Variants in PRKG1 observed in about 807,000 individuals in gnomAD.
PRKG1 encodes protein kinase cGMP-dependent 1, also known as cGMP-dependent protein kinase 1.
In PRKG1, 35 loss-of-function variants were observed where a neutral mutation model predicts 88.1. The observed-to-expected ratio is 0.40, with a 90% CI of 0.30 to 0.53. The LOEUF (loss-of-function observed/expected upper bound fraction) is 0.53, where lower values mean the gene tolerates loss of function less well. Ranked by LOEUF, PRKG1 falls within the 20% of genes least tolerant of loss-of-function variation. PRKG1 has a pLI of 0.59. For missense variants in PRKG1, 540 were observed against 839.8 expected (o/e 0.64, Z 4.41); for synonymous variants, 303 against 292.5 (o/e 1.04, Z -0.37).
intron 9 of PRKG1, among the ~76,000 whole-genome samples, chr10:52,234,781 C>T (rs1349631573): frequency 3.9e-5 from 4 of 103,186 alleles, no homozygotes; most frequent in African/African-American, 1.8e-4. Flanking sequence ...TCTAGCAAGG[C>T]AGGCCAACAT....
intron 2 of PRKG1, among the ~76,000 whole-genome samples, chr10:51,336,199 A>G (rs1296280201): frequency 6.6e-6 from 1 of 151,802 alleles, no homozygotes; most frequent in Non-Finnish European, 1.5e-5. Context: ...CTAAAAGTAT[A>G]AAAACTAGCC....
At chr10:51,893,237 A>G (rs1005934859) in intron 4 of PRKG1, among the ~76,000 whole-genome samples, 3 of 152,058 alleles carry the variant, frequency 2.0e-5, no homozygotes, top group Non-Finnish European at 2.9e-5. Flanking sequence ...AGCCTTTTAT[A>G]AGAAAACTCT....
chr10:51,205,950 A>G (rs1838047744), intron 2 of PRKG1, among the ~76,000 whole-genome samples: 1 of 152,208 alleles, frequency 6.6e-6, no homozygotes, highest in African/African-American at 2.4e-5. Flanking sequence ...TAAACAGCAA[A>G]TAGGAGACTG....
At chr10:52,247,940 T>G (rs1181987861) in intron 9 of PRKG1, among the ~76,000 whole-genome samples, 1 of 152,198 alleles carries the variant, frequency 6.6e-6, no homozygotes, top group Admixed American at 6.5e-5. Flanking sequence ...TACCCACATA[T>G]TTATTAACAG....
chr10:51,831,886 G>A (rs1349227413), intron 4 of PRKG1, among the ~76,000 whole-genome samples: 7 of 152,090 alleles, frequency 4.6e-5, no homozygotes, highest in Non-Finnish European at 7.4e-5. Flanking sequence ...GAGAATAAAT[G>A]AAAGAAACTA....
At position 51,310,414 on chromosome 10, in the gene PRKG1, G is replaced by C. The variant is rs180701145; in HGVS notation, c.478+157084G>C. On this transcript the variant is annotated intron_variant, in intron 2 of 17. Transcript: ENST00000373980. ...ATAGACATGAATAAGAAGTTTTTCT[G>C]TCCTCACACAGTTTAATGAAGAACA... Among the ~76,000 whole-genome samples the C allele has an allele frequency of 4.5e-3, 678 of 152,206 alleles. 4 individuals carry two copies. The highest frequency in any genetic ancestry group is 6.0e-3 in the South Asian group (29 of 4,818).
chr10:51,787,043 T>C (rs1001800427), intron 3 of PRKG1, among the ~76,000 whole-genome samples: 1 of 152,156 alleles, frequency 6.6e-6, no homozygotes, highest in Non-Finnish European at 1.5e-5. Flanking sequence ...TGGTTAAAAT[T>C]ATGTGATATG....
chr10:51,369,516 C>G (rs1016098848), intron 2 of PRKG1, among the ~76,000 whole-genome samples: 1 of 152,018 alleles, frequency 6.6e-6, no homozygotes, highest in Non-Finnish European at 1.5e-5. Context: ...GGAAGGTAAA[C>G]AAAGGTTGAA....
intron 9 of PRKG1, among the ~76,000 whole-genome samples, chr10:52,234,049 G>A (rs1419887479): frequency 6.6e-6 from 1 of 151,750 alleles, no homozygotes; most frequent in Non-Finnish European, 1.5e-5. Flanking sequence ...CCCCAGCAGA[G>A]GCACACTGAC....
intron 8 of PRKG1, among the ~76,000 whole-genome samples, chr10:52,150,160 A>ATG (rs1837866343): frequency 4.1e-5 from 2 of 48,288 alleles, no homozygotes; most frequent in African/African-American, 7.5e-5. Flanking sequence ...AATAATAATA[A>ATG]TAATAATAAT....
intron 1 of PRKG1, among the ~76,000 whole-genome samples, chr10:51,013,098 A>C (rs1287381954): frequency 1.3e-5 from 2 of 152,242 alleles, no homozygotes; most frequent in African/African-American, 4.8e-5. Flanking sequence ...ATCCGAAGGT[A>C]GTAAAGGTTA....
chr10:51,334,487 A>T (rs1841823925), intron 2 of PRKG1, among the ~76,000 whole-genome samples: 1 of 152,170 alleles, frequency 6.6e-6, no homozygotes, highest in Non-Finnish European at 1.5e-5. Context: ...GAATGAAGAG[A>T]TTCGTAATTA....
chr10:51,761,905 A>T (rs1371005763), intron 3 of PRKG1, among the ~76,000 whole-genome samples: 1 of 152,198 alleles, frequency 6.6e-6, no homozygotes, highest in Non-Finnish European at 1.5e-5. Flanking sequence ...TTATGTTTTT[A>T]AAAAAGATTT....
At chr10:51,642,646 C>T (rs116339308) in intron 3 of PRKG1, among the ~76,000 whole-genome samples, 1 of 152,114 alleles carries the variant, frequency 6.6e-6, no homozygotes, top group African/African-American at 2.4e-5. Context: ...GAGTTTGGAT[C>T]TACTAATCGT....
At chr10:52,274,269 A>AC (rs1232739938) in intron 12 of PRKG1, among the ~76,000 whole-genome samples, 2 of 141,422 alleles carry the variant, frequency 1.4e-5, no homozygotes, top group African/African-American at 5.3e-5. Flanking sequence ...TCTATCCCTC[A>AC]CCCCCCTCCG....
intron 9 of PRKG1, among the ~76,000 whole-genome samples, chr10:52,215,185 A>T (rs1279340671): frequency 6.6e-6 from 1 of 152,076 alleles, no homozygotes; most frequent in Non-Finnish European, 1.5e-5. Context: ...ACCTGAGGTC[A>T]GGAGTTTGAG....
At chr10:51,555,058 C>G (rs1397957941) in intron 3 of PRKG1, among the ~76,000 whole-genome samples, 1 of 151,860 alleles carries the variant, frequency 6.6e-6, no homozygotes, top group Non-Finnish European at 1.5e-5. Context: ...GGGAGAAAAA[C>G]TGAAGTTATG....
intron 3 of PRKG1, among the ~76,000 whole-genome samples, chr10:51,541,960 C>T (rs1842314581): frequency 6.6e-6 from 1 of 151,890 alleles, no homozygotes; most frequent in Non-Finnish European, 1.5e-5. Flanking sequence ...AGATATCTTG[C>T]CAAACTTCTT....
rs1479371087 is a variant in PRKG1, at chr10:51,395,202, A to G, written c.479-72521A>G. ...AGGCTACATGGCTTCTCACTGAGAT[A>G]TCTCTCCCACTCTTTGCAAGTCTCT... is the stretch of plus-strand genomic sequence containing the variant. On this transcript the variant is annotated intron_variant, in intron 2 of 17. Coordinates refer to ENST00000373980, the MANE Select transcript of PRKG1 (RefSeq NM_006258.4). Among the ~76,000 whole-genome samples, 4 of 152,176 alleles carry G rather than the reference A, an allele frequency of 2.6e-5. No homozygotes were observed. The South Asian group carries it at 6.2e-4, about 24-fold the overall frequency.
Sources: allele counts gnomAD v4.1 joint callset (sites outside exome capture counted in the v4.1 genomes callset), GRCh38; gene constraint gnomAD v4.1.1; transcripts MANE v1.5; gene names NCBI Gene and HGNC (gene_info 2026-07-23, HGNC 2026-07-21).